The following SDK1 variants were observed in gnomAD, a reference collection of about 807,000 sequenced individuals.
SDK1 encodes sidekick cell adhesion molecule 1.
Under a neutral mutation model 245.5 loss-of-function variants are expected in SDK1, and 157 were observed. That is an observed-to-expected ratio of 0.64 (90% CI 0.56 to 0.73). The LOEUF (loss-of-function observed/expected upper bound fraction) is 0.73. Ranked by LOEUF, SDK1 falls within the 30% of genes least tolerant of loss-of-function variation. SDK1 has a pLI of 0.00. For synonymous variants in SDK1, 1,647 were observed against 1,278.5 expected (o/e 1.29, Z -6.15); for missense variants, 3,583 against 3,002.3 (o/e 1.19, Z -4.52).
At chr7:3,790,046 G>T (rs972944348) in intron 4 of SDK1, among the ~76,000 whole-genome samples, 3 of 152,058 alleles carry the variant, frequency 2.0e-5, no homozygotes, top group African/African-American at 7.2e-5. Context: ...GTTATTCAGC[G>T]GAGAAGTTGA....
chr7:3,667,339 C>G (rs1214297897), intron 4 of SDK1, among the ~76,000 whole-genome samples: 1 of 152,138 alleles, frequency 6.6e-6, no homozygotes, highest in Non-Finnish European at 1.5e-5. Context: ...TTATGAGTCA[C>G]TTGTAGAATG....
chr7:3,582,229 TCTCAGGTAGGTCTCC>T (rs1780523140), intron 1 of SDK1, among the ~76,000 whole-genome samples: 2 of 142,488 alleles, frequency 1.4e-5, no homozygotes, highest in Non-Finnish European at 1.5e-5. Flanking sequence ...GGTAGGTCTG[TCTCAGGTAGGTCTCC>T]CTCAGGTAGG....
Position 4,155,601 on chromosome 7 carries a change from A to G in SDK1, c.4626-2847A>G, listed in dbSNP as rs117298987. On this transcript the variant is annotated intron_variant, in intron 30 of 44. Coordinates refer to ENST00000404826, the MANE Select transcript of SDK1 (RefSeq NM_152744.4). ...GGCCAGTGAGAAAACAAATACATCA[A>G]TAAGTAAGCATAATCGCAAATAAAT... Among the ~76,000 whole-genome samples the G allele has an allele frequency of 1.7e-3, 266 of 152,372 alleles. 5 individuals carry two copies. In the East Asian group the frequency reaches 0.04, roughly 23 times the overall value.
chr7:4,051,959 C>T, intron 19 of SDK1, 129 bp downstream of exon 19: 1 of 747,816 alleles, frequency 1.3e-6, no homozygotes, highest in Non-Finnish European at 2.2e-6. Flanking sequence ...TGCTTGCAGT[C>T]AGCTCACCTA....
intron 5 of SDK1, among the ~76,000 whole-genome samples, chr7:3,842,600 G>A (rs796441550): frequency 1.3e-5 from 2 of 152,228 alleles, no homozygotes; most frequent in African/African-American, 4.8e-5. Flanking sequence ...GTGTCCCATG[G>A]TGCTCCCACA....
chr7:3,994,732 G>C lies in SDK1; in HGVS notation c.2131+7410G>C, dbSNP rs537853439. On this transcript the variant is annotated intron_variant, in intron 14 of 44. Transcript: ENST00000404826. ...AACAAATCAATCAATAAATTTTATA[G>C]GGTTTACCTCATGCATTTTTATCAA... Among the ~76,000 whole-genome samples the C allele has an allele frequency of 5.3e-5, 8 of 151,842 alleles. No homozygotes were observed. In the South Asian group the frequency reaches 1.7e-3, roughly 32 times the overall value.
intron 5 of SDK1, among the ~76,000 whole-genome samples, chr7:3,899,355 T>C (rs1320314060): frequency 6.6e-6 from 1 of 152,172 alleles, no homozygotes; most frequent in Non-Finnish European, 1.5e-5. Context: ...CAGGCTAAAG[T>C]CTGTTTGAGA....
chr7:3,440,807 T>G (rs533266704), intron 1 of SDK1, among the ~76,000 whole-genome samples: 3 of 152,192 alleles, frequency 2.0e-5, no homozygotes, highest in Admixed American at 1.3e-4. Context: ...GCAAAAGTTA[T>G]GGCCACAATG....
intron 33 of SDK1, among the ~76,000 whole-genome samples, chr7:4,175,103 G>A (rs1397744098): frequency 3.3e-5 from 5 of 152,290 alleles, no homozygotes; most frequent in Admixed American, 1.3e-4. Flanking sequence ...TGCCAGCCGC[G>A]GGGCCTTCCA....
chr7:4,110,799 C>A, intron 23 of SDK1, 27 bp downstream of exon 23: 1 of 1,504,458 alleles, frequency 6.6e-7, no homozygotes, highest in Non-Finnish European at 9.3e-7. Flanking sequence ...TAAGCTGTTA[C>A]AGGAGGAAAC....
chr7:3,353,010 G>C (rs1353040280), intron 1 of SDK1, among the ~76,000 whole-genome samples: 1 of 152,176 alleles, frequency 6.6e-6, no homozygotes, highest in Non-Finnish European at 1.5e-5. Flanking sequence ...AAGGGTATGT[G>C]AAATGTTTTC....
At chr7:3,813,219 T>C (rs986511886) in intron 4 of SDK1, among the ~76,000 whole-genome samples, 2 of 147,844 alleles carry the variant, frequency 1.4e-5, no homozygotes, top group African/African-American at 5.0e-5. Context: ...CACTAACTCG[T>C]CATCTAGCAT....
intron 22 of SDK1, among the ~76,000 whole-genome samples, chr7:4,093,458 C>CAAAAAAAAA (rs71032922): frequency 2.6e-5 from 2 of 77,784 alleles, no homozygotes; most frequent in African/African-American, 7.4e-5. Flanking sequence ...AAATGGAAAG[C>CAAAAAAAAA]AAAAAAAAAA....
chr7:3,708,202 C>A (rs970268714), intron 4 of SDK1, among the ~76,000 whole-genome samples: 1 of 152,076 alleles, frequency 6.6e-6, no homozygotes, highest in Non-Finnish European at 1.5e-5. Context: ...CCAGATCTCA[C>A]GAGAACTCAC....
At chr7:3,958,023 T>C (rs748105688) in intron 7 of SDK1, 22 of 470,782 alleles carry the variant, frequency 4.7e-5, no homozygotes, top group Non-Finnish European at 9.7e-5. Context: ...TTTTCATTTC[T>C]CTTTTTCATC....
At chr7:3,430,582 G>C (rs1340428658) in intron 1 of SDK1, among the ~76,000 whole-genome samples, 3 of 152,148 alleles carry the variant, frequency 2.0e-5, no homozygotes, top group Non-Finnish European at 4.4e-5. Context: ...TGAGCCTCCT[G>C]TCCTATGTGA....
At chr7:4,074,916 A>ATTTTTT (rs55899344) in intron 20 of SDK1, among the ~76,000 whole-genome samples, 3 of 64,598 alleles carry the variant, frequency 4.6e-5, no homozygotes, top group African/African-American at 2.4e-4. Context: ...ATATATATAT[A>ATTTTTT]TTTTTTTTTT....
intron 5 of SDK1, among the ~76,000 whole-genome samples, chr7:3,912,263 GCTTT>G (rs752836083): frequency 6.6e-6 from 1 of 152,166 alleles, no homozygotes; most frequent in Non-Finnish European, 1.5e-5. Context: ...AGGAGGAGGA[GCTTT>G]CTTTATTTAT....
chr7:3,761,166 G>C (rs569981474), intron 4 of SDK1, among the ~76,000 whole-genome samples: 2 of 151,518 alleles, frequency 1.3e-5, no homozygotes, highest in African/African-American at 4.8e-5. Context: ...TGAGCGTGTG[G>C]ATTGCCAAGT....
Sources: gnomAD v4.1 joint callset for allele counts (sites outside exome capture counted in the v4.1 genomes callset) on GRCh38, gnomAD v4.1.1 for gene constraint, MANE v1.5 for transcripts, NCBI Gene and HGNC (gene_info 2026-07-23, HGNC 2026-07-21) for gene names.